The following CEP250 variants were observed in gnomAD, a reference collection of about 807,000 sequenced individuals.
CEP250 encodes centrosomal protein 250.
A neutral mutation model predicts 315.7 loss-of-function variants in CEP250; 242 were observed. That is an observed-to-expected ratio of 0.77 (90% CI 0.69 to 0.85). CEP250 has a LOEUF of 0.85. Among genes scored for constraint, CEP250 ranks in the 40% least tolerant of loss-of-function variants. The pLI, the probability that CEP250 is intolerant of heterozygous loss-of-function variation, is 0.00. For missense variants in CEP250, 2,515 were observed against 2,886.4 expected (o/e 0.87, Z 2.95); for synonymous variants, 1,088 against 1,175.0 (o/e 0.93, Z 1.51).
rs575709244 is a variant in CEP250, at chr20:35,509,494, G to A, written c.7008+450G>A. On this transcript the variant is annotated intron_variant, in intron 33 of 34. Transcript: ENST00000397527. ...TCCTGGAGCCAGTGTCCCTTTTTTGGGTAAGAGGCTTGGGGAAGACTCCCC... is the reference window on the plus strand; with the variant it reads ...TCCTGGAGCCAGTGTCCCTTTTTTGAGTAAGAGGCTTGGGGAAGACTCCCC... Among the ~76,000 whole-genome samples the A allele has an allele frequency of 2.0e-5, 3 of 152,122 alleles. No individual in the cohort carries two copies. In the East Asian group the frequency reaches 5.8e-4, roughly 29 times the overall value.
chr20:35,490,983 G>A (rs1409177840), intron 21 of CEP250, 179 bp downstream of exon 21: 36 of 807,726 alleles, frequency 4.5e-5, no homozygotes, highest in Non-Finnish European at 7.0e-5. Flanking sequence ...CCGGCAGTAT[G>A]TCATACTTCC....
intron 15 of CEP250, 140 bp downstream of exon 15, chr20:35,475,786 A>T: frequency 1.1e-6 from 1 of 873,226 alleles, no homozygotes; most frequent in Non-Finnish European, 1.8e-6. Context: ...TCTCTATTCC[A>T]ACATACCCTC....
chr20:35,493,765 A>G (rs2063761945), intron 23 of CEP250, among the ~76,000 whole-genome samples, 193 bp downstream of exon 23: 2 of 152,188 alleles, frequency 1.3e-5, no homozygotes, highest in African/African-American at 4.8e-5. Context: ...GCCCTGGGAT[A>G]GTAATCTCTT....
At chr20:35,498,544 G>C in intron 26 of CEP250, 51 bp from the exon 27 acceptor site, 1 of 1,598,142 alleles carries the variant, frequency 6.3e-7, no homozygotes, top group Non-Finnish European at 8.5e-7. Flanking sequence ...AGGTCTGGCT[G>C]TTTCTTTTCA....
chr20:35,511,397 G>A lies in CEP250; in HGVS notation c.7100G>A (p.Arg2367Gln), dbSNP rs138549858. ...CTGCAAGCTCAGCTGACTTTGGAGC[G>A]GAAGCAGAAGCAGGACTACATCACC... ...VLLQAQLTLE[R>Q]KQKQDYITRS... The change falls in exon 35 of 35, where the codon CGG becomes CAG. Residue 2367 changes from arginine (R) to glutamine (Q), a missense_variant. Transcript: ENST00000397527. The A allele has an allele frequency of 4.5e-5, 73 of 1,611,830 alleles. No homozygotes were observed. The highest frequency in any genetic ancestry group is 8.8e-5 in the South Asian group (8 of 90,902).
At chr20:35,502,095 T>G (rs979133993) in intron 29 of CEP250, 129 bp downstream of exon 29, 1 of 1,104,684 alleles carries the variant, frequency 9.1e-7, no homozygotes, top group Non-Finnish European at 1.3e-6. Flanking sequence ...TCCATGTCCC[T>G]GGGGGCCATT....
chr20:35,483,654 C>T (rs774461048), intron 20 of CEP250, among the ~76,000 whole-genome samples: 36 of 151,972 alleles, frequency 2.4e-4, no homozygotes, highest in Admixed American at 1.5e-3. Flanking sequence ...TACAGGTGCA[C>T]GCCACCATAC....
At position 35,476,360 on chromosome 20, in the gene CEP250, C is replaced by T. The variant is rs2063173467; in HGVS notation, c.1717-89C>T. 13 of 1,267,874 alleles carry T rather than the reference C, an allele frequency of 1.0e-5. No homozygotes were observed. In the East Asian group the frequency reaches 2.4e-4, roughly 23 times the overall value. The allele number at this position is 1,267,874 out of a possible 1,614,324, so 78.5% of individuals were successfully genotyped here. A position where few individuals can be genotyped will look rare whatever the true frequency, so the allele number is the denominator to read the frequency against. ...AATGGAGTATTAACTGATCTCTGTACCAAAAAGCAGCAGTGTTGGGAATGT... is the reference window on the plus strand; with the variant it reads ...AATGGAGTATTAACTGATCTCTGTATCAAAAAGCAGCAGTGTTGGGAATGT... On this transcript the variant is annotated intron_variant, in intron 15 of 34. Transcript: ENST00000397527.
At chr20:35,484,140 T>G (rs2063436653) in intron 20 of CEP250, among the ~76,000 whole-genome samples, 1 of 152,188 alleles carries the variant, frequency 6.6e-6, no homozygotes, top group Non-Finnish European at 1.5e-5. Context: ...TTTTTGTGAT[T>G]CTTGTCTATG....
At chr20:35,484,282 G>A (rs2063442722) in intron 20 of CEP250, among the ~76,000 whole-genome samples, 1 of 152,008 alleles carries the variant, frequency 6.6e-6, no homozygotes, top group Admixed American at 6.6e-5. Context: ...TTTCCTCAGA[G>A]GATTTGTGCT....
At chr20:35,508,590 G>A (rs1282146936) in intron 32 of CEP250, among the ~76,000 whole-genome samples, 1 of 152,194 alleles carries the variant, frequency 6.6e-6, no homozygotes, top group African/African-American at 2.4e-5. Context: ...TGGGATTACA[G>A]GTGTGAGCCA....
intron 23 of CEP250, 57 bp from the exon 24 acceptor site, chr20:35,494,467 A>G (rs2063780604): frequency 4.4e-6 from 7 of 1,606,376 alleles, no homozygotes; most frequent in Admixed American, 1.7e-5. Context: ...GGTGAGGAGC[A>G]TCTTCCCACC....
At chr20:35,475,969 TC>T (rs1431750759) in intron 15 of CEP250, among the ~76,000 whole-genome samples, 5 of 152,198 alleles carry the variant, frequency 3.3e-5, no homozygotes, top group Non-Finnish European at 7.3e-5. Flanking sequence ...ACACCTCATA[TC>T]CTTTGCTCCT....
rs1417814109 is a variant in CEP250 at position 35,491,197 on chromosome 20, C to G, written c.2755-15C>G. 3.7e-6 allele frequency: 6 copies of G among 1,610,450 alleles called. No homozygotes were observed. The highest frequency in any genetic ancestry group is 5.1e-6 in the Non-Finnish European group (6 of 1,178,834). On this transcript the variant is annotated splice_polypyrimidine_tract_variant and intron_variant, in intron 21 of 34. Coordinates refer to ENST00000397527, the MANE Select transcript of CEP250 (RefSeq NM_007186.6). ...TCCTGAGCCCACAAGCTGTTACCCC[C>G]CTACCCCTCCACAGATGCAGCTGGA...
rs2063959431 is a variant in CEP250 at position 35,500,076 on chromosome 20, C to T, written c.3805C>T (p.Leu1269=). The change falls in exon 28 of 35, where the codon CTG becomes TTG. Residue 1269 remains leucine (L), a synonymous_variant. Coordinates refer to ENST00000397527, the MANE Select transcript of CEP250 (RefSeq NM_007186.6). ...TGTTCTGAGGGATCAGGTCCAGAAA[C>T]TGGAAGAGCGTCTAACTGATACTGA... The part of the protein sequence containing the change: ...RDVLRDQVQK[L]EERLTDTEAE... The T allele has an allele frequency of 6.2e-7, 1 of 1,614,150 alleles. No individual in the cohort carries two copies. The highest frequency in any genetic ancestry group is 8.5e-7 in the Non-Finnish European group (1 of 1,180,022).
Position 35,503,682 on chromosome 20 carries a change from C to G in CEP250, c.5313C>G (p.Leu1771=), listed in dbSNP as rs1568835410. 1.2e-6 allele frequency: 2 copies of G among 1,614,076 alleles called. No homozygotes were observed. The highest frequency in any genetic ancestry group is 2.2e-5 in the South Asian group (2 of 91,072). ...GLHRKVGETS[L]LLSQREQEIV... Reference sequence around the variant, plus strand: ...ACAGGAAGGTAGGTGAGACCAGCCTCCTCCTGTCCCAGCGAGAGCAGGAAA... The same window carrying G: ...ACAGGAAGGTAGGTGAGACCAGCCTGCTCCTGTCCCAGCGAGAGCAGGAAA... Residue 1771 remains leucine, a synonymous_variant, in exon 30 of 35, where the codon CTC becomes CTG. Coordinates refer to ENST00000397527, the MANE Select transcript of CEP250 (RefSeq NM_007186.6). The surrounding 1 kb of genome is among the most constrained non-coding windows in gnomAD (Gnocchi z 4.2).
Position 35,467,068 on chromosome 20 carries a change from G to A in CEP250, c.595G>A (p.Asp199Asn). 11 of 1,609,526 alleles carry A rather than the reference G, an allele frequency of 6.8e-6. No individual in the cohort carries two copies. Among genetic ancestry groups the A allele is most frequent in the Non-Finnish European group, 9.3e-6 (11 of 1,177,406 alleles). The change falls in exon 8 of 35, where the codon GAC becomes AAC. Residue 199 changes from aspartate (D) to asparagine (N), a missense_variant. Asp to Asn is a conservative substitution (Grantham distance 23). Coordinates refer to ENST00000397527, the MANE Select transcript of CEP250 (RefSeq NM_007186.6). ...CTTCCTGGAAATGAAGTCAGCTACT[G>A]ACAGGTCAGTGTGGGGAGAAGAAGG... ...RHFLEMKSAT[D>N]RDLMELKAEH...
rs749494768 is a variant in CEP250 at position 35,491,268 on chromosome 20, G to A, written c.2811G>A (p.Thr937=). The A allele has an allele frequency of 1.6e-5, 25 of 1,607,786 alleles. No homozygotes were observed. Among genetic ancestry groups the A allele is most frequent in the African/African-American group, 9.4e-5 (7 of 74,742 alleles). The stretch of plus-strand genomic sequence containing the variant: ...CCCTCCTGGAGACACTGCTGCAGAC[G>A]CAGAAGGAGCTAGCAGATGCCAGCC... ...RVSLLETLLQ[T]QKELADASQQ... is the part of the protein sequence containing the mutation. Residue 937 remains threonine, a synonymous_variant, in exon 22 of 35, where the codon ACG becomes ACA. Transcript: ENST00000397527.
At chr20:35,478,378 A>G (rs746327125) in intron 17 of CEP250, among the ~76,000 whole-genome samples, 1 of 152,180 alleles carries the variant, frequency 6.6e-6, no homozygotes, top group Non-Finnish European at 1.5e-5. Flanking sequence ...CAGCCTGACC[A>G]ACATAGTGAA....
Sources: allele counts gnomAD v4.1 joint callset (sites outside exome capture counted in the v4.1 genomes callset), GRCh38; gene constraint gnomAD v4.1.1; non-coding constraint Gnocchi (gnomAD v3.1); transcripts MANE v1.5; gene names NCBI Gene and HGNC (gene_info 2026-07-23, HGNC 2026-07-21).